BNC2: variants seen among roughly 807,000 people sequenced by gnomAD.
The protein encoded by BNC2 is basonuclin zinc finger protein 2.
Under a neutral mutation model 76.3 loss-of-function variants are expected in BNC2, and 20 were observed. That is an observed-to-expected ratio of 0.26 (90% CI 0.18 to 0.38). BNC2 has a LOEUF of 0.38. BNC2 is among the 10% of genes least tolerant of loss of function. The pLI is 1.00. For synonymous variants in BNC2, 582 were observed against 514.8 expected, an observed-to-expected ratio of 1.13 and a Z score of -1.77; for missense variants, 1,382 against 1,399.8, an observed-to-expected ratio of 0.99 and a Z score of 0.20.
intron 4 of BNC2, among the ~76,000 whole-genome samples, chr9:16,569,216 T>C (rs538489623): frequency 1.4e-4 from 22 of 152,168 alleles, no homozygotes; most frequent in Middle Eastern, 3.4e-3. Context: ...ATATACATTA[T>C]GTGAATGGCC....
chr9:16,456,987 T>C (rs566976538), intron 5 of BNC2, among the ~76,000 whole-genome samples: 4 of 152,284 alleles, frequency 2.6e-5, no homozygotes, highest in South Asian at 4.1e-4. Context: ...GCAGGGAAAA[T>C]GTGTGAGTAT....
At chr9:16,677,689 A>G (rs1028319678) in intron 3 of BNC2, among the ~76,000 whole-genome samples, 1 of 152,010 alleles carries the variant, frequency 6.6e-6, no homozygotes, top group African/African-American at 2.4e-5. Flanking sequence ...TTTCAACCTG[A>G]ATGTCTTCCT....
At chr9:16,747,716 G>A (rs546725389) in intron 1 of BNC2, among the ~76,000 whole-genome samples, 53 of 152,270 alleles carry the variant, frequency 3.5e-4, no homozygotes, top group Admixed American at 1.3e-3. Flanking sequence ...AAAAGGTGCT[G>A]CCTATTACCC....
intron 2 of BNC2, among the ~76,000 whole-genome samples, chr9:16,730,340 G>C (rs1002556509): frequency 6.6e-6 from 1 of 152,070 alleles, no homozygotes; most frequent in Non-Finnish European, 1.5e-5. Context: ...CAACTCATTA[G>C]GGCAAAACTG....
intron 4 of BNC2, among the ~76,000 whole-genome samples, chr9:16,562,387 T>A (rs1276576246): frequency 6.6e-6 from 1 of 152,226 alleles, no homozygotes; most frequent in African/African-American, 2.4e-5. Flanking sequence ...GCCCACTCTT[T>A]TAATTTTAGT....
chr9:16,748,922 CTATATA>C (rs34314862), intron 1 of BNC2, among the ~76,000 whole-genome samples: 14,719 of 130,338 alleles, frequency 0.11, 1,048 homozygotes, highest in Admixed American at 0.22. Flanking sequence ...ACTTTTTATA[CTATATA>C]TATATATATA....
intron 4 of BNC2, among the ~76,000 whole-genome samples, chr9:16,554,443 G>C (rs1354104114): frequency 6.6e-6 from 1 of 152,126 alleles, no homozygotes; most frequent in African/African-American, 2.4e-5. Context: ...GGAATACTTT[G>C]TCAAAGAGTT....
intron 6 of BNC2, chr9:16,421,185 C>T: frequency 1.0e-6 from 1 of 995,382 alleles, no homozygotes; most frequent in Non-Finnish European, 1.3e-6. Flanking sequence ...CCACACAAGA[C>T]AATATACAGC....
Position 16,418,963 on chromosome 9 carries a change from T to C in BNC2, c.*26A>G, listed in dbSNP as rs1820650153. The C allele has an allele frequency of 6.2e-7, 1 of 1,613,498 alleles. No individual in the cohort carries two copies. Among genetic ancestry groups the C allele is most frequent in the Non-Finnish European group, 8.5e-7 (1 of 1,179,656 alleles). ...AACACGTAGGCCATCTGGTGAGAGC[T>C]GGCATTTGTAGTGTCCATTCTGAGA... On this transcript the variant is annotated 3_prime_UTR_variant, in exon 7 of 7. Transcript: ENST00000380672.
At chr9:16,653,972 A>G (rs1821858847) in intron 3 of BNC2, among the ~76,000 whole-genome samples, 1 of 151,662 alleles carries the variant, frequency 6.6e-6, no homozygotes, top group Non-Finnish European at 1.5e-5. Context: ...GTGATGTCTA[A>G]TACTTTACTC....
intron 5 of BNC2, among the ~76,000 whole-genome samples, chr9:16,546,203 A>G (rs1256694402): frequency 1.3e-5 from 2 of 152,200 alleles, no homozygotes; most frequent in African/African-American, 2.4e-5. Flanking sequence ...CATTTCATCT[A>G]TATTATTTCA....
At chr9:16,664,108 C>G (rs1186016139) in intron 3 of BNC2, among the ~76,000 whole-genome samples, 1 of 152,102 alleles carries the variant, frequency 6.6e-6, no homozygotes, top group African/African-American at 2.4e-5. Context: ...CCTCCTGTTT[C>G]CCAATGTAAA....
rs1587098569 is a variant in BNC2 at position 16,498,075 on chromosome 9, T to TATCATATATATATTCC, written c.669+54439_669+54454dup. Among the ~76,000 whole-genome samples the TATCATATATATATTCC allele has an allele frequency of 4.8e-5, 7 of 145,338 alleles. No individual in the cohort carries two copies. In the Admixed American group the frequency reaches 4.8e-4, roughly 10 times the overall value. ...TATATTCCATCATATATATATATTC[T>TATCATATATATATTCC]ATCATATATATATTCCATCATATAT... On this transcript the variant is annotated intron_variant, in intron 5 of 6. Transcript: ENST00000380672.
intron 3 of BNC2, among the ~76,000 whole-genome samples, chr9:16,702,632 C>G (rs1823547500): frequency 1.1e-5 from 1 of 88,012 alleles, no homozygotes; most frequent in South Asian, 2.4e-4. Context: ...TAAACTTATT[C>G]CCCTACCATC....
intron 3 of BNC2, among the ~76,000 whole-genome samples, chr9:16,673,724 T>C (rs1222112806): frequency 6.6e-6 from 1 of 152,248 alleles, no homozygotes; most frequent in East Asian, 1.9e-4. Flanking sequence ...GATTTATATC[T>C]TTGACTGTTC....
At chr9:16,461,021 T>C (rs748456744) in intron 5 of BNC2, among the ~76,000 whole-genome samples, 3 of 151,966 alleles carry the variant, frequency 2.0e-5, no homozygotes, top group Non-Finnish European at 4.4e-5. Flanking sequence ...AGTACCATAA[T>C]AGACTTTTAA....
chr9:16,751,237 T>G (rs577873656), intron 1 of BNC2, among the ~76,000 whole-genome samples: 1 of 149,780 alleles, frequency 6.7e-6, no homozygotes. Context: ...AATTCTAAAA[T>G]ATTCTCTTAA....
At chr9:16,516,052 A>G (rs1420260883) in intron 5 of BNC2, among the ~76,000 whole-genome samples, 2 of 152,174 alleles carry the variant, frequency 1.3e-5, no homozygotes, top group Non-Finnish European at 2.9e-5. Flanking sequence ...TTCAAGGGAA[A>G]ATGAAAACTT....
chr9:16,836,810 A>G (rs1818718385), intron 1 of BNC2, among the ~76,000 whole-genome samples: 1 of 152,174 alleles, frequency 6.6e-6, no homozygotes, highest in Non-Finnish European at 1.5e-5. Context: ...AATAAAAAAG[A>G]AAGAAAAATA....
Sources: allele counts gnomAD v4.1 joint callset (sites outside exome capture counted in the v4.1 genomes callset), GRCh38; gene constraint gnomAD v4.1.1; transcripts MANE v1.5; gene names NCBI Gene and HGNC (gene_info 2026-07-23, HGNC 2026-07-21).